Variants in IGFBP2 observed in about 807,000 individuals in gnomAD.
IGFBP2 encodes the protein insulin like growth factor binding protein 2, also known as insulin-like growth factor-binding protein 2.
IGFBP2 carries 12 observed loss-of-function variants against 26.2 expected under a neutral mutation model. The ratio of observed to expected loss-of-function variants is 0.46; its 90% CI spans 0.29 to 0.74. The LOEUF is 0.74. Ranked by LOEUF, IGFBP2 falls within the 30% of genes least tolerant of loss-of-function variation. The probability of loss-of-function intolerance (pLI) is 0.09; values close to 1 mark genes in which losing one functional copy is unlikely to be tolerated. For missense variants in IGFBP2, 328 were observed against 441.2 expected (o/e 0.74, Z 2.30); for synonymous variants, 189 against 200.6 (o/e 0.94, Z 0.49).
At chr2:216,636,143 A>T (rs1697490397) in intron 1 of IGFBP2, among the ~76,000 whole-genome samples, 1 of 151,914 alleles carries the variant, frequency 6.6e-6, no homozygotes, top group Admixed American at 6.6e-5. Flanking sequence ...TGGGGCAGAG[A>T]CTGGAGTCAC....
chr2:216,661,804 C>T, intron 2 of IGFBP2, 54 bp from the exon 3 acceptor site: 1 of 1,609,426 alleles, frequency 6.2e-7, no homozygotes. Flanking sequence ...CTGGCGCGTG[C>T]TTCGTGGGCC....
intron 1 of IGFBP2, among the ~76,000 whole-genome samples, chr2:216,641,724 C>G (rs933091180): frequency 8.6e-5 from 12 of 139,758 alleles, no homozygotes; most frequent in African/African-American, 3.0e-4. Context: ...GAGTCTTGCT[C>G]TGTCGCCCAG....
intron 1 of IGFBP2, among the ~76,000 whole-genome samples, chr2:216,654,002 T>C (rs1697872912): frequency 6.6e-6 from 1 of 152,230 alleles, no homozygotes; most frequent in East Asian, 1.9e-4. Context: ...TAGTGACCTT[T>C]GCACCATAGC....
chr2:216,633,000 G>C (rs943991395), upstream of IGFBP2: 7 of 152,234 alleles, frequency 4.6e-5, no homozygotes, highest in African/African-American at 1.7e-4. Context: ...TGAGCCGACT[G>C]AAATCTACTT....
Position 216,659,676 on chromosome 2 carries a change from A to G in IGFBP2, c.443-881A>G, listed in dbSNP as rs990235417. The G allele has an allele frequency of 4.0e-6, 6 of 1,510,006 alleles. No homozygotes were observed. The South Asian group carries it at 7.2e-5, about 18-fold the overall frequency. 93.5% of individuals were successfully genotyped at this position (1,510,006 alleles called of 1,614,324 possible). The stretch of plus-strand genomic sequence containing the variant: ...CCTTCACCTAGGCTGTGCATACAAA[A>G]GGTTGAAGAAAGTATAAGGAGACTT... On this transcript the variant is annotated intron_variant, in intron 1 of 3. Transcript: ENST00000233809.
rs200174505 is a variant in IGFBP2 at position 216,661,852 on chromosome 2, G to A, written c.673-6G>A. On this transcript the variant is annotated splice_region_variant and splice_polypyrimidine_tract_variant and intron_variant, in intron 2 of 3. Transcript: ENST00000233809. ...TCCGGGCGTCCCCTGCTGTCTGTGC[G>A]TGCAGACTCCCTGCCAACAGGAACT... is the stretch of plus-strand genomic sequence containing the variant. 134 of 1,613,956 alleles carry A rather than the reference G, an allele frequency of 8.3e-5. No individual in the cohort carries two copies. The highest frequency in any genetic ancestry group is 1.0e-4 in the Non-Finnish European group (120 of 1,180,016).
intron 1 of IGFBP2, among the ~76,000 whole-genome samples, chr2:216,652,599 G>A (rs1697849936): frequency 6.6e-6 from 1 of 152,204 alleles, no homozygotes; most frequent in African/African-American, 2.4e-5. Flanking sequence ...TTGACTGCTG[G>A]GTTCATTGCT....
At chr2:216,636,834 C>G (rs1457234978) in intron 1 of IGFBP2, among the ~76,000 whole-genome samples, 1 of 151,738 alleles carries the variant, frequency 6.6e-6, no homozygotes, top group Non-Finnish European at 1.5e-5. Flanking sequence ...CGGGGCCGCC[C>G]GAGTGGCCGT....
intron 1 of IGFBP2, among the ~76,000 whole-genome samples, chr2:216,659,058 C>T (rs909823628): frequency 5.3e-5 from 8 of 152,018 alleles, no homozygotes; most frequent in South Asian, 2.1e-4. Context: ...ACCCTGGGGA[C>T]GGCGTGCTGG....
chr2:216,642,713 G>C (rs1697640977), intron 1 of IGFBP2, among the ~76,000 whole-genome samples: 1 of 152,214 alleles, frequency 6.6e-6, no homozygotes, highest in East Asian at 1.9e-4. Context: ...GCAGTGTCTA[G>C]AATGGGGGTT....
chr2:216,655,755 C>T (rs968181031), intron 1 of IGFBP2, among the ~76,000 whole-genome samples: 4 of 152,080 alleles, frequency 2.6e-5, no homozygotes, highest in South Asian at 2.1e-4. Flanking sequence ...ATTAACCAGG[C>T]GTGGTGACAC....
rs926205379 is a variant in IGFBP2 at position 216,652,094 on chromosome 2, C to T, written c.443-8463C>T. ...ATTTTTTTCTAAAGCTTGGTTTTGG[C>T]CACAGTGAGAGTTTCTTGGGCTGTC... On this transcript the variant is annotated intron_variant, in intron 1 of 3. Coordinates refer to ENST00000233809, the MANE Select transcript of IGFBP2 (RefSeq NM_000597.3). Among the ~76,000 whole-genome samples, 4 of 151,344 alleles carry T rather than the reference C, an allele frequency of 2.6e-5. No individual in the cohort carries two copies. The South Asian group carries it at 8.4e-4, about 32-fold the overall frequency.
Position 216,642,016 on chromosome 2 carries a change from G to A in IGFBP2, c.442+8051G>A, listed in dbSNP as rs1328679310. On this transcript the variant is annotated intron_variant, in intron 1 of 3. Coordinates refer to ENST00000233809, the MANE Select transcript of IGFBP2 (RefSeq NM_000597.3). ...AGGCTTACATTTTTTTTTTTTTTTC[G>A]TGAGACGGAGTCTCGCTGTGTCGCC... 3.2e-5 allele frequency among the ~76,000 whole-genome samples: 3 copies of A among 93,270 alleles called. No homozygotes were observed. The Admixed American group carries it at 3.7e-4, about 11-fold the overall frequency. The allele number at this position is 93,270 out of a possible 152,430, so 61.2% of individuals were successfully genotyped here.
chr2:216,638,533 T>G (rs1462035997), intron 1 of IGFBP2, among the ~76,000 whole-genome samples: 3 of 151,784 alleles, frequency 2.0e-5, no homozygotes, highest in African/African-American at 7.3e-5. Flanking sequence ...AAAATAAAAA[T>G]AAAAAGCCAT....
chr2:216,633,998 A>T (rs1213163140), intron 1 of IGFBP2, 33 bp downstream of exon 1: 1 of 1,560,422 alleles, frequency 6.4e-7, no homozygotes, highest in Non-Finnish European at 8.7e-7. Flanking sequence ...GTTGGGAGAA[A>T]CTTGGAGGGC....
chr2:216,659,831 A>G (rs2106206019), intron 1 of IGFBP2: 4 of 1,088,476 alleles, frequency 3.7e-6, no homozygotes, highest in Non-Finnish European at 5.4e-6. Context: ...GGCTGCACAG[A>G]CAGACTTGGG....
At chr2:216,649,143 C>A (rs1056052482) in intron 1 of IGFBP2, among the ~76,000 whole-genome samples, 1 of 152,096 alleles carries the variant, frequency 6.6e-6, no homozygotes, top group Non-Finnish European at 1.5e-5. Flanking sequence ...GATAGATGAC[C>A]AATATTGTCC....
In IGFBP2 at chr2:216,633,454, C is replaced by A; in HGVS notation, c.-70C>A. ...GCGGAGGAGGCGGCTCCCGCGCTCG[C>A]AGGGCCGTGCCACCTGCCCGCCCGC... On this transcript the variant is annotated 5_prime_UTR_variant, in exon 1 of 4. Coordinates refer to ENST00000233809, the MANE Select transcript of IGFBP2 (RefSeq NM_000597.3). 1 of 294,304 alleles carries A rather than the reference C, an allele frequency of 3.4e-6. No individual in the cohort carries two copies. Among genetic ancestry groups the A allele is most frequent in the Non-Finnish European group, 5.1e-6 (1 of 196,032 alleles). The allele number at this position is 294,304 out of a possible 1,614,324, so 18.2% of individuals were successfully genotyped here.
At chr2:216,661,050 A>G in intron 2 of IGFBP2, 1 of 500,788 alleles carries the variant, frequency 2.0e-6, no homozygotes, top group Non-Finnish European at 3.6e-6. Flanking sequence ...GAACATAGAC[A>G]CAGAAAATGA....
Sources: allele counts gnomAD v4.1 joint callset (sites outside exome capture counted in the v4.1 genomes callset), GRCh38; gene constraint gnomAD v4.1.1; transcripts MANE v1.5; gene names NCBI Gene and HGNC (gene_info 2026-07-23, HGNC 2026-07-21).